The following PRKN variants were observed in gnomAD, a reference collection of about 807,000 sequenced individuals.
The protein encoded by PRKN is E3 ubiquitin-protein ligase parkin.
In PRKN, 56 loss-of-function variants were observed where a neutral mutation model predicts 59.5. The observed-to-expected ratio is 0.94, with a 90% confidence interval of 0.76 to 1.18. PRKN has a LOEUF of 1.18. Ranked by LOEUF, PRKN falls within the 50% of genes most tolerant of loss-of-function variation. PRKN has a pLI of 0.00. For missense variants in PRKN, 657 were observed against 596.4 expected (o/e 1.10, Z -1.06); for synonymous variants, 250 against 222.1 (o/e 1.13, Z -1.12).
intron 1 of PRKN, among the ~76,000 whole-genome samples, chr6:162,720,438 C>CTTTT (rs148313968): frequency 8.9e-5 from 8 of 90,084 alleles, no homozygotes; most frequent in African/African-American, 8.8e-5. Context: ...CATAGATGGT[C>CTTTT]TTTTTTTTTT....
chr6:161,910,962 G>C (rs1778338320), intron 6 of PRKN, among the ~76,000 whole-genome samples: 1 of 152,182 alleles, frequency 6.6e-6, no homozygotes. Context: ...ACACTTAATA[G>C]ACTACAACAT....
intron 1 of PRKN, among the ~76,000 whole-genome samples, chr6:162,616,208 C>A (rs1325162174): frequency 6.6e-6 from 1 of 152,166 alleles, no homozygotes; most frequent in Non-Finnish European, 1.5e-5. Flanking sequence ...CCACTGCCTT[C>A]TGAAGACTTT....
At chr6:161,380,687 C>G (rs1002452796) in intron 10 of PRKN, among the ~76,000 whole-genome samples, 1 of 152,080 alleles carries the variant, frequency 6.6e-6, no homozygotes, top group Non-Finnish European at 1.5e-5. Context: ...TTCAAAGGCA[C>G]ATAATGTAGG....
At chr6:161,783,751 TA>T in intron 7 of PRKN, 1 of 456,552 alleles carries the variant, frequency 2.2e-6, no homozygotes, top group South Asian at 1.7e-5. Context: ...TAAACTTCAC[TA>T]GATTTTGGAT....
intron 1 of PRKN, among the ~76,000 whole-genome samples, chr6:162,721,819 A>G (rs914954197): frequency 6.6e-6 from 1 of 152,230 alleles, no homozygotes; most frequent in Non-Finnish European, 1.5e-5. Context: ...AGAGGGTAAG[A>G]GGTGACATGG....
At chr6:161,857,066 C>T (rs1028007879) in intron 6 of PRKN, among the ~76,000 whole-genome samples, 3 of 151,510 alleles carry the variant, frequency 2.0e-5, no homozygotes, top group African/African-American at 7.3e-5. Context: ...CCCATCTCTA[C>T]AAAAATACAA....
At chr6:161,662,407 G>A (rs149675029) in intron 7 of PRKN, among the ~76,000 whole-genome samples, 3 of 152,282 alleles carry the variant, frequency 2.0e-5, no homozygotes, top group African/African-American at 7.2e-5. Context: ...GAGGGATGGT[G>A]GTGGTGGTGG....
chr6:162,288,918 T>A lies in PRKN; in HGVS notation c.172-26153A>T, dbSNP rs569812373. Among the ~76,000 whole-genome samples the A allele has an allele frequency of 2.0e-5, 3 of 152,296 alleles. No homozygotes were observed. The East Asian group carries it at 5.8e-4, about 29-fold the overall frequency. ...GGGCTCTTGAAGCTTAGGTCAGCAGTACCATTGTGAAGTCTGTTTTTCACT... is the reference window on the plus strand; with the variant it reads ...GGGCTCTTGAAGCTTAGGTCAGCAGAACCATTGTGAAGTCTGTTTTTCACT... On this transcript the variant is annotated intron_variant, in intron 2 of 11. Coordinates refer to ENST00000366898, the MANE Select transcript of PRKN (RefSeq NM_004562.3).
At chr6:162,075,886 G>A (rs531400363) in intron 4 of PRKN, among the ~76,000 whole-genome samples, 4 of 151,416 alleles carry the variant, frequency 2.6e-5, no homozygotes, top group East Asian at 3.9e-4. Flanking sequence ...TCACTGAACC[G>A]TACACATTGT....
intron 5 of PRKN, among the ~76,000 whole-genome samples, chr6:162,027,729 G>A (rs934302477): frequency 8.6e-5 from 13 of 151,872 alleles, no homozygotes; most frequent in Admixed American, 3.3e-4. Flanking sequence ...ATAAATACTT[G>A]CTGGGGGGTG....
At chr6:162,377,497 G>A (rs1408401400) in intron 2 of PRKN, among the ~76,000 whole-genome samples, 1 of 152,204 alleles carries the variant, frequency 6.6e-6, no homozygotes, top group Admixed American at 6.5e-5. Context: ...TTCTCTGGGT[G>A]CAGACTAAAA....
chr6:161,489,539 G>A (rs1007647892), intron 9 of PRKN, among the ~76,000 whole-genome samples: 6 of 152,056 alleles, frequency 3.9e-5, no homozygotes, highest in African/African-American at 9.7e-5. Flanking sequence ...CAGCCTGGGC[G>A]AAAGAGCAAA....
At chr6:162,564,688 G>A (rs1218379726) in intron 1 of PRKN, among the ~76,000 whole-genome samples, 1 of 152,106 alleles carries the variant, frequency 6.6e-6, no homozygotes, top group East Asian at 1.9e-4. Context: ...GGCTAGGAGA[G>A]AATGGCATGA....
chr6:162,627,468 A>C (rs1422048029), intron 1 of PRKN, among the ~76,000 whole-genome samples: 1 of 152,142 alleles, frequency 6.6e-6, no homozygotes, highest in East Asian at 1.9e-4. Flanking sequence ...GGTAATGAGG[A>C]GTTATCAGTG....
chr6:162,453,126 A>G (rs1478639095), intron 1 of PRKN, among the ~76,000 whole-genome samples: 16 of 152,078 alleles, frequency 1.1e-4, no homozygotes, highest in Admixed American at 1.0e-3. Context: ...ATCGGGCCAG[A>G]CTGGGAATGT....
At chr6:162,034,168 C>CAT (rs747375762) in intron 5 of PRKN, among the ~76,000 whole-genome samples, 14,651 of 131,252 alleles carry the variant, frequency 0.11, 870 homozygotes, top group South Asian at 0.19. Flanking sequence ...TGTACACATA[C>CAT]ATATATATAT....
intron 6 of PRKN, among the ~76,000 whole-genome samples, chr6:161,947,483 G>A (rs1443199029): frequency 6.6e-6 from 1 of 152,138 alleles, no homozygotes; most frequent in Non-Finnish European, 1.5e-5. Flanking sequence ...ATCTTTTACA[G>A]CAATTGTTCC....
At chr6:162,216,268 C>T (rs1186730477) in intron 3 of PRKN, among the ~76,000 whole-genome samples, 1 of 151,862 alleles carries the variant, frequency 6.6e-6, no homozygotes, top group Non-Finnish European at 1.5e-5. Context: ...CGGTGGCTCA[C>T]GCCTGTAATC....
intron 3 of PRKN, among the ~76,000 whole-genome samples, chr6:162,247,381 C>T (rs1288746821): frequency 1.3e-5 from 2 of 151,888 alleles, no homozygotes; most frequent in Non-Finnish European, 2.9e-5. Flanking sequence ...TGAAATGACA[C>T]CGTGAAAGAT....
Sources: gnomAD v4.1 joint callset for allele counts (sites outside exome capture counted in the v4.1 genomes callset) on GRCh38, gnomAD v4.1.1 for gene constraint, MANE v1.5 for transcripts, NCBI Gene and HGNC (gene_info 2026-07-23, HGNC 2026-07-21) for gene names.